Variants in WDR64 observed in about 807,000 individuals in gnomAD.
WDR64 encodes WD repeat-containing protein 64.
Under a neutral mutation model 139.3 loss-of-function variants are expected in WDR64, and 112 were observed. The ratio of observed to expected loss-of-function variants is 0.80; its 90% CI spans 0.69 to 0.94. WDR64 has a LOEUF of 0.94. WDR64 is among the 40% of genes least tolerant of loss of function. The probability of loss-of-function intolerance (pLI) is 0.00; values close to 1 mark genes in which losing one functional copy is unlikely to be tolerated. For missense variants in WDR64, 1,206 were observed against 1,293.1 expected, an observed-to-expected ratio of 0.93 and a Z score of 1.03; for synonymous variants, 444 against 437.7, an observed-to-expected ratio of 1.01 and a Z score of -0.18.
intron 21 of WDR64, among the ~76,000 whole-genome samples, chr1:241,779,736 A>G (rs772623006): frequency 5.3e-5 from 8 of 152,134 alleles, no homozygotes; most frequent in Non-Finnish European, 1.0e-4. Context: ...AGGCTGAGGC[A>G]GAAGAATTGC....
chr1:241,771,558 C>T, intron 18 of WDR64, 103 bp from the exon 19 acceptor site: 1 of 802,884 alleles, frequency 1.2e-6, no homozygotes, highest in Non-Finnish European at 1.8e-6. Flanking sequence ...AAAAGTAATG[C>T]TTAGAAATGA....
chr1:241,679,305 G>A (rs1666680472), intron 5 of WDR64, among the ~76,000 whole-genome samples, 180 bp from the exon 6 acceptor site: 1 of 152,162 alleles, frequency 6.6e-6, no homozygotes, highest in Admixed American at 6.5e-5. Flanking sequence ...CAGGGTAAGG[G>A]TGAAAGGGGA....
intron 24 of WDR64, among the ~76,000 whole-genome samples, chr1:241,789,884 A>T (rs912116300): frequency 6.6e-6 from 1 of 151,256 alleles, no homozygotes; most frequent in Non-Finnish European, 1.5e-5. Flanking sequence ...GAACTTAAAT[A>T]AAAGTTAAAA....
At chr1:241,752,043 A>T (rs1045129277) in intron 14 of WDR64, among the ~76,000 whole-genome samples, 1 of 152,188 alleles carries the variant, frequency 6.6e-6, no homozygotes, top group Admixed American at 6.5e-5. Context: ...AATCATTCAA[A>T]TTCTAAAGAC....
chr1:241,683,772 A>G (rs1666908664), intron 7 of WDR64, 71 bp downstream of exon 7: 9 of 1,228,818 alleles, frequency 7.3e-6, no homozygotes, highest in South Asian at 1.8e-5. Flanking sequence ...TTTATGGTAC[A>G]AAGTGAAAAA....
intron 12 of WDR64, among the ~76,000 whole-genome samples, 175 bp downstream of exon 12, chr1:241,741,839 C>T (rs1227262417): frequency 6.6e-6 from 1 of 152,156 alleles, no homozygotes; most frequent in East Asian, 1.9e-4. Flanking sequence ...TTTAATTAAG[C>T]CAGTTCAGAC....
chr1:241,766,323 AAT>A lies in WDR64; in HGVS notation c.2054_2055del (p.Asn685IlefsTer13). 1 of 1,614,072 alleles carries A rather than the reference AAT, an allele frequency of 6.2e-7. No homozygotes were observed. The highest frequency in any genetic ancestry group is 2.2e-5 in the East Asian group (1 of 44,882). Reference protein sequence around the residue: ...GTLNGVIILWNFVTSTVKKVY... With the variant: ...GTLNGVIILWXFVTSTVKKVY... ...CTTAAATGGTGTGATCATCTTATGGAATTTTGTGACGTCTACTGTCAAAAAAG... is the reference window on the plus strand; with the variant it reads ...CTTAAATGGTGTGATCATCTTATGGATTTGTGACGTCTACTGTCAAAAAAG... On this transcript the variant is annotated frameshift_variant, in exon 16 of 28. Coordinates refer to ENST00000437684, the MANE Select transcript of WDR64 (RefSeq NM_001367482.1). LOFTEE classifies it high-confidence loss of function.
intron 27 of WDR64, among the ~76,000 whole-genome samples, chr1:241,799,218 AAAAAATAC>A (rs1296454826): frequency 3.0e-5 from 4 of 132,764 alleles, no homozygotes; most frequent in African/African-American, 1.1e-4. Flanking sequence ...AAAAAAAAAA[AAAAAATAC>A]AAAAATTAGC....
Position 241,652,328 on chromosome 1 carries a change from T to TA in WDR64, c.-156dup. ...CTGCTAACATCCTAGTGGCAACTCT[T>TA]ACTCCTACCCGCACTATGGGATTTT... is the stretch of plus-strand genomic sequence containing the variant. On this transcript the variant is annotated 5_prime_UTR_variant, in exon 1 of 28. Coordinates refer to ENST00000437684, the MANE Select transcript of WDR64 (RefSeq NM_001367482.1). 1.4e-6 allele frequency: 1 copy of TA among 695,964 alleles called. No individual in the cohort carries two copies. Among genetic ancestry groups the TA allele is most frequent in the Non-Finnish European group, 2.3e-6 (1 of 427,820 alleles). 43.1% of individuals were successfully genotyped at this position (695,964 alleles called of 1,614,324 possible). A position where few individuals can be genotyped will look rare whatever the true frequency, so the allele number is the denominator to read the frequency against.
intron 13 of WDR64, among the ~76,000 whole-genome samples, chr1:241,749,029 C>G (rs1669878932): frequency 6.6e-6 from 1 of 151,882 alleles, no homozygotes; most frequent in Non-Finnish European, 1.5e-5. Context: ...CCCACGTAAC[C>G]AACAAAACCA....
At chr1:241,702,487 G>T (rs1667757384) in intron 8 of WDR64, among the ~76,000 whole-genome samples, 1 of 150,114 alleles carries the variant, frequency 6.7e-6, no homozygotes, top group Admixed American at 6.7e-5. Context: ...TCCTTTTCTT[G>T]TTCCCCTAAG....
At position 241,790,703 on chromosome 1, in the gene WDR64, T is replaced by TAAAAA. The variant is rs35435449; in HGVS notation, c.2997+21_2997+25dup. 2 of 1,285,182 alleles carry TAAAAA rather than the reference T, an allele frequency of 1.6e-6. No homozygotes were observed. Among genetic ancestry groups the TAAAAA allele is most frequent in the South Asian group, 1.4e-5 (1 of 70,208 alleles). 79.6% of individuals were successfully genotyped at this position (1,285,182 alleles called of 1,614,324 possible). On this transcript the variant is annotated splice_region_variant and intron_variant, in intron 25 of 27. Coordinates refer to ENST00000437684, the MANE Select transcript of WDR64 (RefSeq NM_001367482.1). ...GTCTCTTTCTTCTCCTAAGGTAGCT[T>TAAAAA]AAAAAAAAAAAAAAAAAAGAAATGG...
rs75025515 is a variant in WDR64 at position 241,767,351 on chromosome 1, T to G, written c.2081+1000T>G. On this transcript the variant is annotated intron_variant, in intron 16 of 27. Transcript: ENST00000437684. ...CCACTTCTCAATGTTTTTTTTTTTT[T>G]GCATTTGTTGAGAAGGAACTAAAGT... is the stretch of plus-strand genomic sequence containing the variant. Among the ~76,000 whole-genome samples, 3 of 151,608 alleles carry G rather than the reference T, an allele frequency of 2.0e-5. No individual in the cohort carries two copies. The South Asian group carries it at 6.2e-4, about 32-fold the overall frequency.
chr1:241,660,979 T>C (rs1665811512), intron 2 of WDR64, among the ~76,000 whole-genome samples: 1 of 152,208 alleles, frequency 6.6e-6, no homozygotes, highest in South Asian at 2.1e-4. Flanking sequence ...ATATTTCTTT[T>C]CAATGGGTTC....
At chr1:241,655,426 A>G (rs1573979927) in intron 1 of WDR64, among the ~76,000 whole-genome samples, 1 of 152,094 alleles carries the variant, frequency 6.6e-6, no homozygotes, top group Non-Finnish European at 1.5e-5. Context: ...TGCCAAGTTA[A>G]TCATTTCTCT....
chr1:241,705,642 CA>C (rs1667924702), intron 8 of WDR64, among the ~76,000 whole-genome samples: 1 of 151,592 alleles, frequency 6.6e-6, no homozygotes, highest in Admixed American at 6.6e-5. Context: ...GACTGGAGGG[CA>C]GGGGCATGAT....
chr1:241,687,378 A>G, intron 7 of WDR64, 83 bp from the exon 8 acceptor site: 1 of 1,526,566 alleles, frequency 6.6e-7, no homozygotes, highest in Non-Finnish European at 8.9e-7. Flanking sequence ...ATTCAGTTAC[A>G]GTCAAAGTAA....
At chr1:241,657,007 A>G (rs1665630793) in intron 1 of WDR64, among the ~76,000 whole-genome samples, 2 of 151,682 alleles carry the variant, frequency 1.3e-5, no homozygotes, top group Middle Eastern at 3.4e-3. Context: ...TCTGCCCCCA[A>G]AACTTCCAAC....
At chr1:241,715,686 C>T (rs1668375982) in intron 9 of WDR64, among the ~76,000 whole-genome samples, 1 of 152,198 alleles carries the variant, frequency 6.6e-6, no homozygotes, top group Non-Finnish European at 1.5e-5. Context: ...CTGATTGTCA[C>T]ATTATGCTGT....
Sources: gnomAD v4.1 joint callset for allele counts (sites outside exome capture counted in the v4.1 genomes callset) on GRCh38, gnomAD v4.1.1 for gene constraint, MANE v1.5 for transcripts, NCBI Gene and HGNC (gene_info 2026-07-23, HGNC 2026-07-21) for gene names.